Variants in HMCN2 observed in about 807,000 individuals in gnomAD.
HMCN2 encodes hemicentin 2, also known as hemicentin-2.
A neutral mutation model predicts 377.5 loss-of-function variants in HMCN2; 325 were observed. That is an observed-to-expected ratio of 0.86 (90% CI 0.79 to 0.94). The LOEUF (loss-of-function observed/expected upper bound fraction) is 0.94, where lower values mean the gene tolerates loss of function less well. HMCN2 is among the 40% of genes least tolerant of loss of function. The pLI, the probability that HMCN2 is intolerant of heterozygous loss-of-function variation, is 0.00. For missense variants in HMCN2, 4,543 were observed against 4,725.3 expected (o/e 0.96, Z 1.13); for synonymous variants, 2,007 against 2,046.8 (o/e 0.98, Z 0.53).
At chr9:130,266,893 C>A (rs1171036722) in intron 1 of HMCN2, among the ~76,000 whole-genome samples, 1 of 152,086 alleles carries the variant, frequency 6.6e-6, no homozygotes, top group African/African-American at 2.4e-5. Flanking sequence ...CCAGGGACAG[C>A]GGTTGCTGAG....
intron 85 of HMCN2, among the ~76,000 whole-genome samples, chr9:130,412,098 AGTG>A (rs1396376760): frequency 6.6e-6 from 1 of 152,086 alleles, no homozygotes; most frequent in East Asian, 1.9e-4. Flanking sequence ...CAGCCTCCTG[AGTG>A]GCTGGGATTA....
chr9:130,318,734 T>C (rs1396728004), intron 15 of HMCN2, among the ~76,000 whole-genome samples: 1 of 152,184 alleles, frequency 6.6e-6, no homozygotes, highest in Non-Finnish European at 1.5e-5. Flanking sequence ...CTGGGGTCAC[T>C]ATTAATGCAA....
Position 130,428,294 on chromosome 9 carries a change from G to T in HMCN2, c.14066-64G>T. On this transcript the variant is annotated intron_variant, in intron 92 of 97. Coordinates refer to ENST00000683500, the MANE Select transcript of HMCN2 (RefSeq NM_001291815.2). The surrounding 1 kb of genome is among the most constrained non-coding windows in gnomAD (Gnocchi z 5.0). Reference sequence around the variant, plus strand: ...GCCTCTGTGGATAGGCCGGGCCAGGGTCAGGTGGCGAGGCACGCCTGGGGA... The same window carrying T: ...GCCTCTGTGGATAGGCCGGGCCAGGTTCAGGTGGCGAGGCACGCCTGGGGA... The T allele has an allele frequency of 1.4e-6, 2 of 1,465,978 alleles. No individual in the cohort carries two copies. The highest frequency in any genetic ancestry group is 1.4e-5 in the South Asian group (1 of 70,894). The allele number at this position is 1,465,978 out of a possible 1,614,324, so 90.8% of individuals were successfully genotyped here.
chr9:130,403,157 A>T, intron 78 of HMCN2, 37 bp from the exon 79 acceptor site: 1 of 1,276,768 alleles, frequency 7.8e-7, no homozygotes, highest in Admixed American at 2.3e-5. Flanking sequence ...TGTGTTAAGG[A>T]CATTCTCAGG....
At chr9:130,318,448 G>A (rs1415771722) in intron 15 of HMCN2, among the ~76,000 whole-genome samples, 3 of 152,190 alleles carry the variant, frequency 2.0e-5, no homozygotes, top group East Asian at 1.9e-4. Flanking sequence ...CACTTGGCTC[G>A]GACTGGCTCC....
At chr9:130,285,037 G>A (rs1008919820) in intron 2 of HMCN2, 121 bp from the exon 3 acceptor site, 1 of 384,962 alleles carries the variant, frequency 2.6e-6, no homozygotes, top group Non-Finnish European at 5.4e-6. Flanking sequence ...GAAAGTGACT[G>A]GGTGGGCAGG....
chr9:130,296,647 G>A (rs1007975250), intron 6 of HMCN2, 27 bp from the exon 7 acceptor site: 1 of 470,102 alleles, frequency 2.1e-6, no homozygotes, highest in Non-Finnish European at 4.4e-6. Flanking sequence ...CCATCCTCTG[G>A]TGATGTGAGA....
At chr9:130,331,423 G>A (rs1838422808) in intron 22 of HMCN2, among the ~76,000 whole-genome samples, 1 of 152,206 alleles carries the variant, frequency 6.6e-6, no homozygotes, top group Non-Finnish European at 1.5e-5. Context: ...AGACATCCAA[G>A]TTGCAAATTC....
intron 86 of HMCN2, 56 bp downstream of exon 86, chr9:130,419,097 G>A (rs2131786925): frequency 2.8e-6 from 4 of 1,438,282 alleles, no homozygotes; most frequent in South Asian, 1.5e-5. Flanking sequence ...TCTTGCCGAT[G>A]GGGATTGTGT....
At chr9:130,294,769 G>T (rs1197261052) in intron 4 of HMCN2, 86 bp from the exon 5 acceptor site, 4 of 348,512 alleles carry the variant, frequency 1.1e-5, no homozygotes, top group Non-Finnish European at 2.4e-5. Context: ...GGGCGACCTG[G>T]AAAGTTTGTA....
At chr9:130,340,520 CT>C (rs879005826) in intron 23 of HMCN2, among the ~76,000 whole-genome samples, 3,289 of 144,146 alleles carry the variant, frequency 0.023, 42 homozygotes, top group Middle Eastern at 0.043. Flanking sequence ...CCAAGTGGCG[CT>C]TTTTTTTTTT....
At position 130,393,501 on chromosome 9, in the gene HMCN2, G is replaced by A. The variant is rs77826389; in HGVS notation, c.10234+192G>A. On this transcript the variant is annotated intron_variant, in intron 67 of 97. Transcript: ENST00000683500. The surrounding 1 kb of genome is among the most constrained non-coding windows in gnomAD (Gnocchi z 5.2). ...CTCACAAGTGGCTGTGGGCACTCTG[G>A]TATGCCCAGGATAGGCGGGGGCAGA... Among the ~76,000 whole-genome samples the A allele has an allele frequency of 0.087, 13,257 of 152,272 alleles. 1,296 individuals carry two copies. Among genetic ancestry groups the A allele is most frequent in the African/African-American group, 0.24 (9,839 of 41,524 alleles).
chr9:130,398,151 TA>T (rs1842697701), intron 74 of HMCN2, among the ~76,000 whole-genome samples: 1 of 17,900 alleles, frequency 5.6e-5, no homozygotes, highest in East Asian at 1.7e-3. Context: ...AGACTCCGTC[TA>T]CAAAAAAAAA....
chr9:130,321,166 A>G (rs987039629), intron 18 of HMCN2, among the ~76,000 whole-genome samples: 10 of 152,172 alleles, frequency 6.6e-5, no homozygotes, highest in Middle Eastern at 3.4e-3. Context: ...GTGCCTCAGG[A>G]GTGCTGTGAG....
intron 30 of HMCN2, 53 bp from the exon 31 acceptor site, chr9:130,352,874 T>C (rs568295575): frequency 6.6e-6 from 8 of 1,214,056 alleles, no homozygotes; most frequent in Middle Eastern, 2.4e-4. Flanking sequence ...CTGGGGAAGA[T>C]GCCAGAGGCC....
chr9:130,268,793 G>A (rs1834256552), intron 1 of HMCN2, among the ~76,000 whole-genome samples: 1 of 148,770 alleles, frequency 6.7e-6, no homozygotes, highest in Non-Finnish European at 1.5e-5. Flanking sequence ...TGGGAGCTGG[G>A]TGTGCACGGG....
chr9:130,375,009 A>G (rs1156391897), intron 49 of HMCN2, among the ~76,000 whole-genome samples: 1 of 152,196 alleles, frequency 6.6e-6, no homozygotes, highest in African/African-American at 2.4e-5. Flanking sequence ...TGGGTTCACA[A>G]CTAGGCATCT....
chr9:130,387,028 C>T (rs1588368160), intron 61 of HMCN2, among the ~76,000 whole-genome samples: 1 of 152,194 alleles, frequency 6.6e-6, no homozygotes, highest in African/African-American at 2.4e-5. Context: ...GGGCACAGGG[C>T]CTGGCATGTG....
At chr9:130,286,891 C>G (rs1262973719) in intron 4 of HMCN2, among the ~76,000 whole-genome samples, 1 of 152,198 alleles carries the variant, frequency 6.6e-6, no homozygotes, top group Non-Finnish European at 1.5e-5. Context: ...GGGCTCTGTC[C>G]TTCCTCCTCT....
Sources: allele counts gnomAD v4.1 joint callset (sites outside exome capture counted in the v4.1 genomes callset), GRCh38; gene constraint gnomAD v4.1.1; non-coding constraint Gnocchi (gnomAD v3.1); transcripts MANE v1.5; gene names NCBI Gene and HGNC (gene_info 2026-07-23, HGNC 2026-07-21).